CLVS1: variants seen among roughly 807,000 people sequenced by gnomAD.
CLVS1 encodes the protein clavesin-1.
Under a neutral mutation model 33.1 loss-of-function variants are expected in CLVS1, and 10 were observed. The observed-to-expected ratio is 0.30, with a 90% CI of 0.19 to 0.51. The LOEUF (loss-of-function observed/expected upper bound fraction) is 0.51, where lower values mean the gene tolerates loss of function less well. CLVS1 is among the 20% of genes least tolerant of loss of function. CLVS1 has a pLI of 0.97. For missense variants in CLVS1, 343 were observed against 433.4 expected (o/e 0.79, Z 1.85); for synonymous variants, 163 against 166.1 (o/e 0.98, Z 0.14).
At chr8:61,353,151 G>T (rs957673300) in intron 2 of CLVS1, among the ~76,000 whole-genome samples, 1 of 152,004 alleles carries the variant, frequency 6.6e-6, no homozygotes, top group African/African-American at 2.4e-5. Flanking sequence ...CTCAGCAACT[G>T]ATAGAACTTA....
At chr8:61,096,906 T>A (rs1350350325) in intron 1 of CLVS1, among the ~76,000 whole-genome samples, 1 of 152,164 alleles carries the variant, frequency 6.6e-6, no homozygotes, top group African/African-American at 2.4e-5. Flanking sequence ...ACTGTTGTCC[T>A]CTCCACTAGC....
the CLVS1 span, among the ~76,000 whole-genome samples, chr8:60,999,615 A>G: frequency 6.6e-6 from 1 of 152,234 alleles, no homozygotes; most frequent in Non-Finnish European, 1.5e-5. Context: ...AACTGTGATC[A>G]CCTAACAAAT....
intron 5 of CLVS1, among the ~76,000 whole-genome samples, chr8:61,482,764 C>T (rs7460622): frequency 2.0e-5 from 3 of 152,076 alleles, no homozygotes; most frequent in Non-Finnish European, 4.4e-5. Context: ...GTGCAATCAA[C>T]CTAGAACTCA....
chr8:60,970,557 A>T, the CLVS1 span, among the ~76,000 whole-genome samples: 2 of 152,244 alleles, frequency 1.3e-5, no homozygotes, highest in Non-Finnish European at 2.9e-5. Context: ...TGGGTAGGTG[A>T]GTCCAGGATG....
rs550357287 is a variant in CLVS1 at position 61,407,526 on chromosome 8, A to G, written c.630+30747A>G. On this transcript the variant is annotated intron_variant, in intron 3 of 5. Transcript: ENST00000325897. ...ATAAAAATGACATTTGAAAATTAAAATAAAGCAGGTAAAGAAACATTTCAT... is the reference window on the plus strand; with the variant it reads ...ATAAAAATGACATTTGAAAATTAAAGTAAAGCAGGTAAAGAAACATTTCAT... Among the ~76,000 whole-genome samples, 48 of 152,364 alleles carry G rather than the reference A, an allele frequency of 3.2e-4. No homozygotes were observed. The South Asian group carries it at 4.8e-3, about 15-fold the overall frequency.
At chr8:61,288,236 T>G (rs915387449) in intron 1 of CLVS1, 98 bp downstream of exon 1, 1 of 456,246 alleles carries the variant, frequency 2.2e-6, no homozygotes, top group African/African-American at 2.0e-5. Context: ...AGCACTTCGG[T>G]ATGTGGACAG....
chr8:61,274,541 A>G (rs1271270883), intron 2 of CLVS1, among the ~76,000 whole-genome samples: 4 of 152,098 alleles, frequency 2.6e-5, no homozygotes, highest in African/African-American at 9.7e-5. Context: ...GTTCATTACC[A>G]TTTGTACCTT....
intron 2 of CLVS1, among the ~76,000 whole-genome samples, chr8:61,370,013 G>A (rs1213863183): frequency 2.6e-5 from 4 of 152,140 alleles, no homozygotes; most frequent in African/African-American, 9.7e-5. Flanking sequence ...GATGAAGAGA[G>A]GAAGACATGT....
At chr8:61,330,927 A>G (rs990557188) in intron 2 of CLVS1, among the ~76,000 whole-genome samples, 4 of 152,048 alleles carry the variant, frequency 2.6e-5, no homozygotes, top group African/African-American at 9.6e-5. Flanking sequence ...CCATTTCAAA[A>G]AAAAAAAAAA....
chr8:61,025,004 C>G, the CLVS1 span, among the ~76,000 whole-genome samples: 1 of 152,006 alleles, frequency 6.6e-6, no homozygotes, highest in African/African-American at 2.4e-5. Flanking sequence ...TGTGCCACCA[C>G]GCCCGGCTAA....
intron 2 of CLVS1, among the ~76,000 whole-genome samples, chr8:61,236,614 T>A (rs921817205): frequency 6.6e-6 from 1 of 152,124 alleles, no homozygotes; most frequent in Non-Finnish European, 1.5e-5. Flanking sequence ...GCCTTTTTCT[T>A]TTTGTGAAAG....
At chr8:61,157,472 G>T (rs151065072) in intron 2 of CLVS1, among the ~76,000 whole-genome samples, 5 of 152,076 alleles carry the variant, frequency 3.3e-5, no homozygotes, top group Non-Finnish European at 5.9e-5. Context: ...TTATAACTTT[G>T]AAGCTAACCC....
rs543634626 is a variant in CLVS1 at position 61,069,053 on chromosome 8, G to A, written c.-243+11823G>A. Among the ~76,000 whole-genome samples, 8 of 152,060 alleles carry A rather than the reference G, an allele frequency of 5.3e-5. No individual in the cohort carries two copies. In the South Asian group the frequency reaches 6.2e-4, roughly 12 times the overall value. On this transcript the variant is annotated intron_variant, in intron 1 of 2. Coordinates refer to the CLVS1 transcript ENST00000522621. Reference sequence around the variant, plus strand: ...ACGATCTCGGCTCACTGCAACTTCCGCCTTCCAAGTTCAAGTGATTCTCCT... The same window carrying A: ...ACGATCTCGGCTCACTGCAACTTCCACCTTCCAAGTTCAAGTGATTCTCCT...
intron 2 of CLVS1, among the ~76,000 whole-genome samples, chr8:61,146,208 A>G (rs1585642576): frequency 6.6e-6 from 1 of 152,192 alleles, no homozygotes; most frequent in Admixed American, 6.5e-5. Context: ...GCTTGTTATT[A>G]GCTGAATTCA....
At chr8:61,014,295 G>A in the CLVS1 span, among the ~76,000 whole-genome samples, 1 of 152,032 alleles carries the variant, frequency 6.6e-6, no homozygotes, top group East Asian at 1.9e-4. Context: ...TGGGCTACGT[G>A]GAAACTCCTC....
At chr8:61,270,429 AG>A (rs1443266995) in intron 2 of CLVS1, among the ~76,000 whole-genome samples, 1 of 152,202 alleles carries the variant, frequency 6.6e-6, no homozygotes, top group Non-Finnish European at 1.5e-5. Flanking sequence ...TATTTTATTG[AG>A]GATTTTTGCA....
intron 2 of CLVS1, among the ~76,000 whole-genome samples, chr8:61,374,616 TG>T (rs1813569415): frequency 6.6e-6 from 1 of 152,148 alleles, no homozygotes; most frequent in Admixed American, 6.5e-5. Context: ...AAAGTCCCAA[TG>T]AAAACCTATT....
intron 2 of CLVS1, among the ~76,000 whole-genome samples, chr8:61,329,942 T>C (rs2129597117): frequency 6.6e-6 from 1 of 152,270 alleles, no homozygotes; most frequent in Admixed American, 6.5e-5. Context: ...AGCTTTAGAC[T>C]CTAAAGTTTA....
intron 2 of CLVS1, among the ~76,000 whole-genome samples, chr8:61,141,613 C>G (rs1038698684): frequency 6.6e-6 from 1 of 152,184 alleles, no homozygotes; most frequent in Non-Finnish European, 1.5e-5. Context: ...GAGTTGAGTA[C>G]CACTTACTCT....
Sources: gnomAD v4.1 joint callset for allele counts (sites outside exome capture counted in the v4.1 genomes callset) on GRCh38, gnomAD v4.1.1 for gene constraint, MANE v1.5 for transcripts, NCBI Gene and HGNC (gene_info 2026-07-23, HGNC 2026-07-21) for gene names.